Variants in UBXN4 observed in about 807,000 individuals in gnomAD.
The protein encoded by UBXN4 is UBX domain-containing protein 4.
Under a neutral mutation model 66.2 loss-of-function variants are expected in UBXN4, and 35 were observed. The ratio of observed to expected loss-of-function variants is 0.53; its 90% CI spans 0.40 to 0.70. The LOEUF is 0.70. UBXN4 is among the 30% of genes least tolerant of loss of function. The pLI is 0.00. For missense variants in UBXN4, 533 were observed against 599.8 expected (o/e 0.89, Z 1.16); for synonymous variants, 203 against 204.5 (o/e 0.99, Z 0.06).
intron 1 of UBXN4, 57 bp from the exon 2 acceptor site, chr2:135,748,210 A>G (rs991040147): frequency 9.8e-6 from 13 of 1,329,490 alleles, no homozygotes; most frequent in African/African-American, 1.5e-5. Flanking sequence ...CCAGGGGAAA[A>G]GAGTTTGCAA....
chr2:135,752,158 C>G (rs189584437), intron 2 of UBXN4, among the ~76,000 whole-genome samples: 116 of 152,236 alleles, frequency 7.6e-4, no homozygotes, highest in African/African-American at 1.1e-3. Context: ...TGCAGTTCTC[C>G]TGTGTCAGCC....
intron 1 of UBXN4, chr2:135,748,059 T>G (rs1487986184): frequency 4.4e-6 from 2 of 450,584 alleles, no homozygotes; most frequent in Admixed American, 7.8e-5. Context: ...ATTTAAATAG[T>G]CCAGTGTAGT....
intron 1 of UBXN4, 81 bp downstream of exon 1, chr2:135,742,092 C>A: frequency 6.8e-7 from 1 of 1,480,360 alleles, no homozygotes; most frequent in Non-Finnish European, 9.2e-7. Context: ...CAGCCGCCGG[C>A]CCGCCCTCCC....
At chr2:135,781,793 C>G (rs2077452116) in intron 12 of UBXN4, among the ~76,000 whole-genome samples, 1 of 152,190 alleles carries the variant, frequency 6.6e-6, no homozygotes, top group South Asian at 2.1e-4. Context: ...TTTTTTCAGG[C>G]TGGGTGTGGT....
intron 6 of UBXN4, among the ~76,000 whole-genome samples, chr2:135,768,504 T>C (rs116207418): frequency 3.4e-4 from 52 of 151,372 alleles, no homozygotes; most frequent in African/African-American, 1.2e-3. Context: ...GCCGATTTTA[T>C]TAGTTTTTGA....
intron 5 of UBXN4, among the ~76,000 whole-genome samples, chr2:135,757,450 T>C (rs1007889816): frequency 6.6e-5 from 10 of 152,242 alleles, no homozygotes; most frequent in Non-Finnish European, 1.2e-4. Flanking sequence ...TTTTAATTCA[T>C]TTCAAGTGTA....
intron 9 of UBXN4, among the ~76,000 whole-genome samples, chr2:135,773,278 T>G (rs998083211): frequency 6.6e-6 from 1 of 152,186 alleles, no homozygotes; most frequent in Non-Finnish European, 1.5e-5. Context: ...ACCATTACAA[T>G]TTCTCTCTCT....
In UBXN4 at chr2:135,741,874, G is replaced by A; in HGVS notation, c.-56G>A. 7 of 1,557,710 alleles carry A rather than the reference G, an allele frequency of 4.5e-6. No individual in the cohort carries two copies. Among genetic ancestry groups the A allele is most frequent in the Non-Finnish European group, 6.1e-6 (7 of 1,148,992 alleles). ...CCGGACGAAGACGGAGGGCGGAGCC[G>A]GCTTCGGGACTGCGGAGACTACACA... is the stretch of plus-strand genomic sequence containing the variant. On this transcript the variant is annotated 5_prime_UTR_variant, in exon 1 of 13. Coordinates refer to ENST00000272638, the MANE Select transcript of UBXN4 (RefSeq NM_014607.4).
chr2:135,753,596 T>C, intron 3 of UBXN4, 29 bp downstream of exon 3: 2 of 1,472,396 alleles, frequency 1.4e-6, no homozygotes, highest in Non-Finnish European at 1.8e-6. Context: ...ATGGCTTATA[T>C]ATATACATTT....
chr2:135,774,992 T>A (rs1469494209), intron 9 of UBXN4, among the ~76,000 whole-genome samples: 1 of 152,152 alleles, frequency 6.6e-6, no homozygotes, highest in Non-Finnish European at 1.5e-5. Context: ...TGGAAAGGAT[T>A]TGAATAGACA....
chr2:135,752,782 G>A (rs897472822), intron 2 of UBXN4, among the ~76,000 whole-genome samples: 7 of 152,034 alleles, frequency 4.6e-5, no homozygotes, highest in South Asian at 2.1e-4. Context: ...GTGCAGTGGC[G>A]CGATCTTGGC....
intron 6 of UBXN4, among the ~76,000 whole-genome samples, chr2:135,765,648 CT>C (rs368906213): frequency 0.033 from 4,829 of 147,158 alleles, 242 homozygotes; most frequent in African/African-American, 0.11. Flanking sequence ...TAATTTTTTT[CT>C]TTTTTTTTTT....
chr2:135,768,361 G>C (rs1000817933), intron 6 of UBXN4, among the ~76,000 whole-genome samples: 2 of 151,226 alleles, frequency 1.3e-5, no homozygotes, highest in African/African-American at 4.9e-5. Context: ...ACCACACCTG[G>C]CTAATTTTTG....
Position 135,782,806 on chromosome 2 carries a change from G to C in UBXN4, c.1446G>C (p.Gly482=), listed in dbSNP as rs1027927914. 1.9e-6 allele frequency: 3 copies of C among 1,613,944 alleles called. No individual in the cohort carries two copies. Among genetic ancestry groups the C allele is most frequent in the Non-Finnish European group, 2.5e-6 (3 of 1,179,910 alleles). Residue 482 remains glycine (G), a synonymous_variant, in exon 13 of 13, where the codon GGG becomes GGC. Coordinates refer to ENST00000272638, the MANE Select transcript of UBXN4 (RefSeq NM_014607.4). ...GTGGAGACGACTTTAAAAAGGAGGG[G>C]AAAATTTATAGATTAAGGACTCAAG... ...EKRGDDFKKE[G]KIYRLRTQDD... is the part of the protein sequence containing the mutation.
At chr2:135,756,676 C>T (rs1180571479) in intron 5 of UBXN4, among the ~76,000 whole-genome samples, 1 of 152,124 alleles carries the variant, frequency 6.6e-6, no homozygotes, top group African/African-American at 2.4e-5. Context: ...TATATCATTT[C>T]CAAAATTCTT....
chr2:135,754,580 C>T (rs2077268228), intron 4 of UBXN4, among the ~76,000 whole-genome samples: 1 of 151,934 alleles, frequency 6.6e-6, no homozygotes, highest in African/African-American at 2.4e-5. Flanking sequence ...GCCTCGGCCT[C>T]CCAAAGTGCT....
At chr2:135,754,666 C>T (rs1057365742) in intron 4 of UBXN4, among the ~76,000 whole-genome samples, 8 of 152,150 alleles carry the variant, frequency 5.3e-5, no homozygotes, top group African/African-American at 1.9e-4. Flanking sequence ...ATTCAGGAAA[C>T]TGCCATGCCA....
At chr2:135,742,131 A>G in intron 1 of UBXN4, 120 bp downstream of exon 1, 2 of 1,189,158 alleles carry the variant, frequency 1.7e-6, no homozygotes, top group Non-Finnish European at 2.4e-6. Context: ...CGGCTCGCAC[A>G]ATTGCCACTA....
chr2:135,778,848 T>A (rs895695313), intron 10 of UBXN4, 100 bp from the exon 11 acceptor site: 3 of 1,303,414 alleles, frequency 2.3e-6, no homozygotes, highest in Non-Finnish European at 3.1e-6. Context: ...AATGAACTTT[T>A]AAAATTAAGG....
Sources: allele counts gnomAD v4.1 joint callset (sites outside exome capture counted in the v4.1 genomes callset), GRCh38; gene constraint gnomAD v4.1.1; transcripts MANE v1.5; gene names NCBI Gene and HGNC (gene_info 2026-07-23, HGNC 2026-07-21).